Variants in DISC1 observed in about 807,000 individuals in gnomAD.
The protein encoded by DISC1 is DISC1 scaffold protein.
A neutral mutation model predicts 84.5 loss-of-function variants in DISC1; 57 were observed. The ratio of observed to expected loss-of-function variants is 0.67; its 90% CI spans 0.55 to 0.84. The LOEUF (loss-of-function observed/expected upper bound fraction) is 0.84. Ranked by LOEUF, DISC1 falls within the 40% of genes least tolerant of loss-of-function variation. The pLI is 0.00. For synonymous variants in DISC1, 411 were observed against 415.2 expected, an observed-to-expected ratio of 0.99 and a Z score of 0.12; for missense variants, 1,000 against 1,057.8, an observed-to-expected ratio of 0.95 and a Z score of 0.76.
chr1:231,695,354 T>G (rs1016950742), intron 2 of DISC1, among the ~76,000 whole-genome samples: 2 of 152,216 alleles, frequency 1.3e-5, no homozygotes, highest in Non-Finnish European at 2.9e-5. Flanking sequence ...AGGATTGTTC[T>G]AAGGCTCAAA....
At chr1:231,702,650 A>T in intron 3 of DISC1, 3 of 974,434 alleles carry the variant, frequency 3.1e-6, no homozygotes, top group Non-Finnish European at 3.7e-6. Flanking sequence ...AACAAACAAA[A>T]AAACAAAAAA....
intron 10 of DISC1, among the ~76,000 whole-genome samples, chr1:231,964,504 T>G (rs187193859): frequency 1.3e-5 from 2 of 152,174 alleles, no homozygotes; most frequent in Admixed American, 6.5e-5. Context: ...TGTGAACTGG[T>G]ATGGTGTAAA....
At chr1:231,762,784 A>G (rs1198055080) in intron 4 of DISC1, among the ~76,000 whole-genome samples, 1 of 152,110 alleles carries the variant, frequency 6.6e-6, no homozygotes, top group Non-Finnish European at 1.5e-5. Flanking sequence ...ATCCCCAAAC[A>G]GCCCCAGTGT....
At chr1:231,740,453 C>A (rs1017956478) in intron 3 of DISC1, among the ~76,000 whole-genome samples, 7 of 152,178 alleles carry the variant, frequency 4.6e-5, no homozygotes, top group African/African-American at 1.2e-4. Context: ...ATGCCTCCCC[C>A]ACATGACTCA....
chr1:231,928,307 G>T (rs1198294553), intron 9 of DISC1, among the ~76,000 whole-genome samples: 1 of 152,154 alleles, frequency 6.6e-6, no homozygotes, highest in Non-Finnish European at 1.5e-5. Flanking sequence ...TCCTGTTGGG[G>T]GGCTTTTCAG....
At chr1:231,734,974 A>T (rs1211635123) in intron 3 of DISC1, among the ~76,000 whole-genome samples, 2 of 152,248 alleles carry the variant, frequency 1.3e-5, no homozygotes, top group Non-Finnish European at 2.9e-5. Context: ...AATTTGAGGA[A>T]ACCAAATCTC....
At position 231,869,744 on chromosome 1, in the gene DISC1, C is replaced by G. The variant is rs539095881; in HGVS notation, c.1981+51227C>G. Among the ~76,000 whole-genome samples, 83 of 152,216 alleles carry G rather than the reference C, an allele frequency of 5.5e-4. 1 individual carries two copies. The South Asian group carries it at 7.3e-3, about 13-fold the overall frequency. On this transcript the variant is annotated intron_variant, in intron 9 of 12. Coordinates refer to ENST00000439617, the MANE Select transcript of DISC1 (RefSeq NM_018662.3). ...TCAAACACTGCCCATTGGGCTCCAC[C>G]TTAAACATTGGGGAGCAAATCTTAA...
chr1:231,898,849 C>G (rs998823106), intron 9 of DISC1, among the ~76,000 whole-genome samples: 1 of 152,068 alleles, frequency 6.6e-6, no homozygotes, highest in African/African-American at 2.4e-5. Flanking sequence ...ATGAGAATCG[C>G]TTGAACCCAG....
intron 9 of DISC1, among the ~76,000 whole-genome samples, chr1:231,841,336 C>T (rs980663169): frequency 7.9e-5 from 12 of 152,208 alleles, no homozygotes; most frequent in African/African-American, 2.9e-4. Context: ...ACCTACATAC[C>T]TTCCAGGGGG....
Position 232,009,119 on chromosome 1 carries a change from A to G in DISC1, c.2307+70A>G. 1 of 1,603,916 alleles carries G rather than the reference A, an allele frequency of 6.2e-7. No homozygotes were observed. Among genetic ancestry groups the G allele is most frequent in the Non-Finnish European group, 8.5e-7 (1 of 1,174,532 alleles). Reference sequence around the variant, plus strand: ...GGGGTGCTTTGGGACCATGCTCCAAATGGGAACAATAAATATTGGGAAGGC... The same window carrying G: ...GGGGTGCTTTGGGACCATGCTCCAAGTGGGAACAATAAATATTGGGAAGGC... On this transcript the variant is annotated intron_variant, in intron 11 of 12. Coordinates refer to ENST00000439617, the MANE Select transcript of DISC1 (RefSeq NM_018662.3). This position sits in a 1 kb window ranked among gnomAD's most constrained non-coding sequence, Gnocchi z 4.6.
intron 10 of DISC1, among the ~76,000 whole-genome samples, chr1:231,975,369 C>T (rs1341592284): frequency 2.6e-5 from 4 of 152,030 alleles, no homozygotes; most frequent in South Asian, 2.1e-4. Context: ...TATACACTGC[C>T]GGTGGAAATT....
At chr1:231,656,521 T>A (rs1244625594) in intron 1 of DISC1, among the ~76,000 whole-genome samples, 1 of 152,228 alleles carries the variant, frequency 6.6e-6, no homozygotes, top group African/African-American at 2.4e-5. Context: ...GTTATTGTGA[T>A]GCATCCAGAT....
At chr1:231,797,320 T>C (rs2078838182) in intron 7 of DISC1, among the ~76,000 whole-genome samples, 1 of 152,166 alleles carries the variant, frequency 6.6e-6, no homozygotes, top group Non-Finnish European at 1.5e-5. Flanking sequence ...TTCCCAAATA[T>C]CAAAAATGGG....
intron 3 of DISC1, among the ~76,000 whole-genome samples, chr1:231,744,994 A>G (rs1332846812): frequency 6.6e-6 from 1 of 151,914 alleles, no homozygotes. Flanking sequence ...TATAACTTGT[A>G]TAACATTTTA....
chr1:231,724,972 T>C (rs940618820), intron 3 of DISC1, among the ~76,000 whole-genome samples: 1 of 152,184 alleles, frequency 6.6e-6, no homozygotes, highest in African/African-American at 2.4e-5. Context: ...TTGTTGTCCA[T>C]GTCACTATAG....
intron 10 of DISC1, among the ~76,000 whole-genome samples, chr1:231,977,909 AT>A (rs1358832007): frequency 3.3e-5 from 5 of 152,202 alleles, no homozygotes; most frequent in Non-Finnish European, 5.9e-5. Context: ...TCATAATTTT[AT>A]TTTAACAAAT....
chr1:231,974,924 C>T (rs1317195525), intron 10 of DISC1, among the ~76,000 whole-genome samples: 2 of 152,052 alleles, frequency 1.3e-5, no homozygotes, highest in Non-Finnish European at 2.9e-5. Context: ...CATGGTGAAA[C>T]CCCGTCTCCA....
intron 1 of DISC1, among the ~76,000 whole-genome samples, chr1:231,640,889 C>T (rs1054558490): frequency 6.6e-6 from 1 of 152,124 alleles, no homozygotes; most frequent in African/African-American, 2.4e-5. Flanking sequence ...GGTTGACTTA[C>T]ACTCTTTGGA....
chr1:231,711,526 A>ATT (rs776271226), intron 3 of DISC1, among the ~76,000 whole-genome samples: 2 of 142,008 alleles, frequency 1.4e-5, no homozygotes, highest in African/African-American at 5.2e-5. Context: ...TGCCTGGCTA[A>ATT]TTTTTTTTTT....
Sources: gnomAD v4.1 joint callset for allele counts (sites outside exome capture counted in the v4.1 genomes callset) on GRCh38, gnomAD v4.1.1 for gene constraint, Gnocchi (gnomAD v3.1) non-coding constraint, MANE v1.5 for transcripts, NCBI Gene and HGNC (gene_info 2026-07-23, HGNC 2026-07-21) for gene names.